The following CFAP298 variants were observed in gnomAD, a reference collection of about 807,000 sequenced individuals.
CFAP298 encodes cilia and flagella associated protein 298.
A neutral mutation model predicts 41.0 loss-of-function variants in CFAP298; 38 were observed. The observed-to-expected ratio is 0.93, with a 90% confidence interval of 0.72 to 1.22. The LOEUF is 1.22. Among genes scored for constraint, CFAP298 ranks in the 50% most tolerant of loss-of-function variants. The probability of loss-of-function intolerance (pLI) is 0.00; values close to 1 mark genes in which losing one functional copy is unlikely to be tolerated. For missense variants in CFAP298, 348 were observed against 360.3 expected (o/e 0.97, Z 0.28); for synonymous variants, 137 against 135.3 (o/e 1.01, Z -0.09).
At chr21:32,602,562 G>T in intron 5 of CFAP298, 195 bp from the exon 6 acceptor site, 2 of 1,403,076 alleles carry the variant, frequency 1.4e-6, no homozygotes, top group Non-Finnish European at 1.8e-6. Flanking sequence ...CTCTCACTGT[G>T]TGGAGACCAG....
At position 32,600,384 on chromosome 21, in the gene CFAP298, A is replaced by T. The variant is rs2038715592; in HGVS notation, c.*1479T>A. Among the ~76,000 whole-genome samples, 1 of 152,228 alleles carries T rather than the reference A, an allele frequency of 6.6e-6. No individual in the cohort carries two copies. Among genetic ancestry groups the T allele is most frequent in the African/African-American group, 2.4e-5 (1 of 41,458 alleles). On this transcript the variant is annotated 3_prime_UTR_variant, in exon 7 of 7. Coordinates refer to ENST00000290155, the MANE Select transcript of CFAP298 (RefSeq NM_021254.4). ...GCAAGGCCGCCTGGCAGCAGGCAGG[A>T]ACCAAACCCCTGCCACCTCCACTCA...
chr21:32,605,938 A>G (rs1379255730), intron 3 of CFAP298, among the ~76,000 whole-genome samples: 1 of 152,192 alleles, frequency 6.6e-6, no homozygotes, highest in Admixed American at 6.5e-5. Context: ...GGAGAGCCTT[A>G]AAGAAAGCCA....
chr21:32,601,938 G>C lies in CFAP298; in HGVS notation c.798C>G (p.Asn266Lys), dbSNP rs761764224. 3.7e-6 allele frequency: 6 copies of C among 1,610,410 alleles called. No individual in the cohort carries two copies. The African/African-American group carries it at 8.0e-5, about 22-fold the overall frequency. Reference sequence around the variant, plus strand: ...AAGCAGTGTTATCCGCCCATGGTGAGTTTAAATAGGCATCATCATCATTTT... The same window carrying C: ...AAGCAGTGTTATCCGCCCATGGTGACTTTAAATAGGCATCATCATCATTTT... ...LEENDDDAYL[N>K]SPWADNTALK... is the part of the protein sequence containing the mutation. Residue 266 changes from asparagine to lysine, a missense_variant, in exon 7 of 7, where the codon AAC (asparagine) becomes AAG (lysine). Transcript: ENST00000290155.
rs981393324 is a variant in CFAP298 at position 32,602,807 on chromosome 21, C to T, written c.666+354G>A. 15 of 1,370,312 alleles carry T rather than the reference C, an allele frequency of 1.1e-5. No individual in the cohort carries two copies. In the Admixed American group the frequency reaches 2.0e-4, roughly 18 times the overall value. 84.9% of individuals were successfully genotyped at this position (1,370,312 alleles called of 1,614,324 possible). ...AAGGTCTCGAACCTTTCCTCCTCCC[C>T]CTCCTGTACACAGCATCAGCAGTTT... is the stretch of plus-strand genomic sequence containing the variant. On this transcript the variant is annotated intron_variant, in intron 5 of 6. Transcript: ENST00000290155.
intron 1 of CFAP298, 109 bp downstream of exon 1, chr21:32,611,996 C>G: frequency 1.6e-6 from 2 of 1,271,150 alleles, no homozygotes; most frequent in South Asian, 3.6e-5. Flanking sequence ...TGCTGCAAAT[C>G]TCTTCAATAA....
Position 32,611,168 on chromosome 21 carries a change from G to C in CFAP298, c.139+937C>G, listed in dbSNP as rs142506513. On this transcript the variant is annotated intron_variant, in intron 1 of 6. Coordinates refer to ENST00000290155, the MANE Select transcript of CFAP298 (RefSeq NM_021254.4). ...AAGATACAAATATTAGCTGGGCGTG[G>C]TGGTGGGCGCCTGTAATCTCAGATA... Among the ~76,000 whole-genome samples, 314 of 151,372 alleles carry C rather than the reference G, an allele frequency of 2.1e-3. 3 individuals carry two copies. The highest frequency in any genetic ancestry group is 7.4e-3 in the African/African-American group (302 of 41,022).
At chr21:32,607,208 A>G (rs2038884180) in intron 3 of CFAP298, among the ~76,000 whole-genome samples, 1 of 152,180 alleles carries the variant, frequency 6.6e-6, no homozygotes, top group Admixed American at 6.5e-5. Flanking sequence ...AGCCTACCCC[A>G]AATACGCTTG....
In CFAP298 at chr21:32,600,339, G is replaced by A. The variant is rs2038714672; in HGVS notation, c.*1524C>T. Among the ~76,000 whole-genome samples the A allele has an allele frequency of 6.6e-6, 1 of 152,246 alleles. No homozygotes were observed. ...TCAGAGAACAGCGCTTTGCTCTCAG[G>A]TCTGGGACCCACCCCCTGGGCAAGG... On this transcript the variant is annotated 3_prime_UTR_variant, in exon 7 of 7. Transcript: ENST00000290155.
intron 2 of CFAP298, among the ~76,000 whole-genome samples, chr21:32,609,463 G>A (rs2038940380): frequency 6.6e-6 from 1 of 152,198 alleles, no homozygotes; most frequent in African/African-American, 2.4e-5. Context: ...GTAGAGAAAT[G>A]ACGAGGTCAA....
chr21:32,608,384 T>C lies in CFAP298; in HGVS notation c.308-668A>G, dbSNP rs146288140. Among the ~76,000 whole-genome samples the C allele has an allele frequency of 2.2e-3, 334 of 152,210 alleles. 4 individuals are homozygous for C. Among genetic ancestry groups the C allele is most frequent in the African/African-American group, 7.7e-3 (321 of 41,530 alleles). ...ATAATAGAAGTGGTTAGGCTGGGCG[T>C]AGTGGCTCACGCCTGTAATCCCAGC... On this transcript the variant is annotated intron_variant, in intron 2 of 6. Transcript: ENST00000290155.
At chr21:32,604,379 A>G in intron 3 of CFAP298, 96 bp from the exon 4 acceptor site, 1 of 1,375,174 alleles carries the variant, frequency 7.3e-7, no homozygotes, top group Non-Finnish European at 1.0e-6. Flanking sequence ...ATACTGCCAG[A>G]GCAACAAAAA....
At position 32,604,175 on chromosome 21, in the gene CFAP298, C is replaced by T; in HGVS notation, c.484G>A (p.Asp162Asn). 6.2e-7 allele frequency: 1 copy of T among 1,614,154 alleles called. No individual in the cohort carries two copies. Among genetic ancestry groups the T allele is most frequent in the Non-Finnish European group, 8.5e-7 (1 of 1,180,028 alleles). The stretch of plus-strand genomic sequence containing the variant: ...TTTTCAAACTCCATGCGGATGGGAT[C>T]ATACGGTGGCAACCCCATGGGGTAA... ...IVYPMGLPPY[D>N]PIRMEFENKE... Residue 162 changes from aspartate to asparagine, a missense_variant, in exon 4 of 7, where the codon GAT becomes AAT. Coordinates refer to ENST00000290155, the MANE Select transcript of CFAP298 (RefSeq NM_021254.4).
intron 4 of CFAP298, 92 bp downstream of exon 4, chr21:32,604,033 A>C (rs1477037998): frequency 5.5e-5 from 71 of 1,302,592 alleles, no homozygotes; most frequent in Non-Finnish European, 7.3e-5. Context: ...TGTAGGGAGC[A>C]AAACACTACA....
intron 2 of CFAP298, among the ~76,000 whole-genome samples, chr21:32,608,284 A>C (rs1157403958): frequency 6.6e-6 from 1 of 152,042 alleles, no homozygotes; most frequent in African/African-American, 2.4e-5. Context: ...AAATGGGGCA[A>C]GTTGAAACCA....
chr21:32,610,084 G>T lies in CFAP298; in HGVS notation c.140-79C>A, dbSNP rs146402309. 394 of 1,305,980 alleles carry T rather than the reference G, an allele frequency of 3.0e-4. 5 individuals are homozygous for T. In the East Asian group the frequency reaches 7.7e-3, roughly 26 times the overall value. 80.9% of individuals were successfully genotyped at this position (1,305,980 alleles called of 1,614,324 possible). On this transcript the variant is annotated intron_variant, in intron 1 of 6. Transcript: ENST00000290155. ...GAATGTAAGCTCCAAAGAGTCAGGG[G>T]TCTTGCCCATCTGGCTCACTATTTT...
At chr21:32,611,714 G>A (rs901967807) in intron 1 of CFAP298, among the ~76,000 whole-genome samples, 1 of 152,144 alleles carries the variant, frequency 6.6e-6, no homozygotes, top group Non-Finnish European at 1.5e-5. Flanking sequence ...TTTACATTGG[G>A]CGACTAAAAA....
At chr21:32,605,810 A>G (rs200766975) in intron 3 of CFAP298, among the ~76,000 whole-genome samples, 1 of 152,168 alleles carries the variant, frequency 6.6e-6, no homozygotes, top group East Asian at 1.9e-4. Flanking sequence ...TTAGTGTCAG[A>G]ATTGAAGGAT....
At chr21:32,611,361 C>CAT (rs1370392942) in intron 1 of CFAP298, among the ~76,000 whole-genome samples, 1 of 124,748 alleles carries the variant, frequency 8.0e-6, no homozygotes, top group African/African-American at 3.6e-5. Flanking sequence ...TTTATATATA[C>CAT]ATATATATAA....
At chr21:32,604,584 A>AG (rs1307930543) in intron 3 of CFAP298, 14 of 331,520 alleles carry the variant, frequency 4.2e-5, no homozygotes, top group Non-Finnish European at 7.9e-5. Flanking sequence ...GAGATACGGC[A>AG]GGGGGAGCAG....
Sources: gnomAD v4.1 joint callset for allele counts (sites outside exome capture counted in the v4.1 genomes callset) on GRCh38, gnomAD v4.1.1 for gene constraint, MANE v1.5 for transcripts, NCBI Gene and HGNC (gene_info 2026-07-23, HGNC 2026-07-21) for gene names.